The following NAALADL2 variants were observed in gnomAD, a reference collection of about 807,000 sequenced individuals.
The protein encoded by NAALADL2 is N-acetylated alpha-linked acidic dipeptidase like 2, also known as inactive N-acetylated-alpha-linked acidic dipeptidase-like protein 2.
In NAALADL2, 76 loss-of-function variants were observed where a neutral mutation model predicts 87.2. The observed-to-expected ratio is 0.87, with a 90% CI of 0.72 to 1.05. The LOEUF (loss-of-function observed/expected upper bound fraction) is 1.05. NAALADL2 is among the 50% of genes least tolerant of loss of function. The probability of loss-of-function intolerance (pLI) is 0.00; values close to 1 mark genes in which losing one functional copy is unlikely to be tolerated. For missense variants in NAALADL2, 1,089 were observed against 945.8 expected (o/e 1.15, Z -1.99); for synonymous variants, 354 against 331.0 (o/e 1.07, Z -0.75).
At chr3:174,845,433 TC>T (rs1243737074) in intron 3 of NAALADL2, among the ~76,000 whole-genome samples, 6 of 152,202 alleles carry the variant, frequency 3.9e-5, no homozygotes, top group Admixed American at 1.3e-4. Flanking sequence ...GAGGGCTTTT[TC>T]CTAGGGAAGG....
intron 3 of NAALADL2, among the ~76,000 whole-genome samples, chr3:174,777,408 A>T (rs1464507744): frequency 3.3e-5 from 5 of 152,148 alleles, no homozygotes; most frequent in African/African-American, 1.2e-4. Context: ...TATTTTAAAA[A>T]TGTATTTCTA....
At chr3:175,102,378 C>A (rs1389471805) in intron 2 of NAALADL2, among the ~76,000 whole-genome samples, 4 of 152,062 alleles carry the variant, frequency 2.6e-5, no homozygotes, top group Non-Finnish European at 5.9e-5. Context: ...TTTTGATAGG[C>A]CAAAAAGAAT....
At chr3:174,753,511 T>C (rs1711548083) in intron 3 of NAALADL2, among the ~76,000 whole-genome samples, 1 of 152,240 alleles carries the variant, frequency 6.6e-6, no homozygotes, top group Non-Finnish European at 1.5e-5. Flanking sequence ...TTAATTCTTT[T>C]GGTTTCTTGG....
At chr3:175,305,048 A>G (rs971515085) in intron 4 of NAALADL2, among the ~76,000 whole-genome samples, 2 of 151,924 alleles carry the variant, frequency 1.3e-5, no homozygotes, top group African/African-American at 4.8e-5. Context: ...GATGCTGTTG[A>G]TTTGCTCTGT....
intron 4 of NAALADL2, among the ~76,000 whole-genome samples, chr3:175,317,485 G>C (rs1033012376): frequency 1.3e-5 from 2 of 151,712 alleles, no homozygotes; most frequent in African/African-American, 4.8e-5. Flanking sequence ...CAGTTAATTG[G>C]AGTTAGCTCT....
chr3:174,867,383 C>G (rs1727290023), intron 1 of NAALADL2, among the ~76,000 whole-genome samples: 1 of 151,960 alleles, frequency 6.6e-6, no homozygotes, highest in African/African-American at 2.4e-5. Context: ...GCCTCACAAA[C>G]TAAACTAGCC....
At chr3:175,433,774 C>T (rs571607826) in intron 5 of NAALADL2, among the ~76,000 whole-genome samples, 39 of 151,936 alleles carry the variant, frequency 2.6e-4, no homozygotes, top group Admixed American at 2.0e-3. Flanking sequence ...AAACAACTTA[C>T]CAAATTACAT....
At chr3:175,354,873 C>T (rs866470472) in intron 5 of NAALADL2, among the ~76,000 whole-genome samples, 2 of 108,054 alleles carry the variant, frequency 1.9e-5, no homozygotes, top group African/African-American at 6.6e-5. Flanking sequence ...TACATACATA[C>T]ATATATATAC....
At chr3:175,069,496 A>C (rs1338345416) in intron 1 of NAALADL2, among the ~76,000 whole-genome samples, 4 of 149,960 alleles carry the variant, frequency 2.7e-5, no homozygotes, top group Non-Finnish European at 5.9e-5. Context: ...GGCAATCATT[A>C]AAAAGTCAGG....
In NAALADL2 at chr3:175,559,738, T is replaced by C. The variant is rs538091781; in HGVS notation, c.1654-16303T>C. ...CATCCTGTTGAAATGGTGTATCACATCGACTGATTTGCATATGTTGCACCA... is the reference window on the plus strand; with the variant it reads ...CATCCTGTTGAAATGGTGTATCACACCGACTGATTTGCATATGTTGCACCA... On this transcript the variant is annotated intron_variant, in intron 9 of 13. Coordinates refer to ENST00000454872, the MANE Select transcript of NAALADL2 (RefSeq NM_207015.3). 8.3e-4 allele frequency among the ~76,000 whole-genome samples: 127 copies of C among 152,350 alleles called. 1 individual carries two copies. The highest frequency in any genetic ancestry group is 2.7e-3 in the African/African-American group (114 of 41,594).
chr3:174,657,041 C>CTTTTTTTTT (rs60569510), intron 2 of NAALADL2, among the ~76,000 whole-genome samples: 23 of 115,804 alleles, frequency 2.0e-4, no homozygotes, highest in African/African-American at 6.7e-4. Flanking sequence ...TTTCCTTCTT[C>CTTTTTTTTT]TTTTTTTTTT....
chr3:175,709,791 C>T (rs76833999), intron 11 of NAALADL2, among the ~76,000 whole-genome samples: 3 of 152,002 alleles, frequency 2.0e-5, no homozygotes, highest in African/African-American at 7.2e-5. Context: ...CCCCAAACAG[C>T]CTGTTTCAAG....
intron 3 of NAALADL2, among the ~76,000 whole-genome samples, chr3:174,752,944 C>T (rs531286938): frequency 6.6e-6 from 1 of 152,274 alleles, no homozygotes; most frequent in South Asian, 2.1e-4. Context: ...GGCCTATACA[C>T]ATTTAATAGT....
In NAALADL2 at chr3:175,808,056, A is replaced by G. The variant is rs1014997318; in HGVS notation, c.*4853A>G. ...CCCCTGAGAAGTAATTTTAAGATCT[A>G]TCAGTCTCAATTTAAATGATCTGTT... On this transcript the variant is annotated 3_prime_UTR_variant, in exon 14 of 14. Transcript: ENST00000454872. 1.3e-5 allele frequency: 2 copies of G among 151,946 alleles called. No homozygotes were observed. Among genetic ancestry groups the G allele is most frequent in the Admixed American group, 1.3e-4 (2 of 15,202 alleles). The allele number at this position is 151,946 out of a possible 1,614,324, so 9.4% of individuals were successfully genotyped here. A position where few individuals can be genotyped will look rare whatever the true frequency, so the allele number is the denominator to read the frequency against.
At chr3:175,333,389 C>T (rs926313961) in intron 5 of NAALADL2, among the ~76,000 whole-genome samples, 2 of 152,104 alleles carry the variant, frequency 1.3e-5, no homozygotes, top group African/African-American at 4.8e-5. Context: ...GGAGCATGTG[C>T]TTCAGCCCCA....
intron 13 of NAALADL2, among the ~76,000 whole-genome samples, chr3:175,790,551 G>A (rs1392532996): frequency 1.3e-5 from 2 of 152,134 alleles, no homozygotes; most frequent in Non-Finnish European, 2.9e-5. Context: ...CTGGGGATTG[G>A]AATTCTAGAT....
At chr3:175,471,501 GA>G (rs34306735) in intron 8 of NAALADL2, 137 bp from the exon 9 acceptor site, 6,315 of 518,314 alleles carry the variant, frequency 0.012, 32 homozygotes, top group Non-Finnish European at 0.014. Flanking sequence ...AAGAAAGAAA[GA>G]AAAAAAAAAA....
At chr3:174,705,685 A>C (rs1729993719) in intron 2 of NAALADL2, among the ~76,000 whole-genome samples, 2 of 150,560 alleles carry the variant, frequency 1.3e-5, no homozygotes, top group Non-Finnish European at 2.9e-5. Flanking sequence ...CGGGAGGCTG[A>C]GGCAGGAGAA....
intron 11 of NAALADL2, among the ~76,000 whole-genome samples, chr3:175,642,301 T>C (rs1582742473): frequency 6.6e-6 from 1 of 152,314 alleles, no homozygotes; most frequent in East Asian, 1.9e-4. Context: ...AGATTTACTC[T>C]TGTGTGCATA....
Sources: allele counts gnomAD v4.1 joint callset (sites outside exome capture counted in the v4.1 genomes callset), GRCh38; gene constraint gnomAD v4.1.1; transcripts MANE v1.5; gene names NCBI Gene and HGNC (gene_info 2026-07-23, HGNC 2026-07-21).